Variants in SPTAN1 observed in about 807,000 individuals in gnomAD.
SPTAN1 encodes spectrin alpha chain, non-erythrocytic 1.
A neutral mutation model predicts 331.3 loss-of-function variants in SPTAN1; 61 were observed. That is an observed-to-expected ratio of 0.18 (90% CI 0.15 to 0.23). The LOEUF (loss-of-function observed/expected upper bound fraction) is 0.23. SPTAN1 is among the 10% of genes least tolerant of loss of function. The pLI is 1.00. For synonymous variants in SPTAN1, 1,153 were observed against 1,173.9 expected, an observed-to-expected ratio of 0.98 and a Z score of 0.36; for missense variants, 2,043 against 3,147.9, an observed-to-expected ratio of 0.65 and a Z score of 8.40.
intron 39 of SPTAN1, among the ~76,000 whole-genome samples, chr9:128,612,761 A>G (rs1252661837): frequency 1.3e-5 from 2 of 152,096 alleles, no homozygotes; most frequent in African/African-American, 4.8e-5. Context: ...TCCTGTCTCT[A>G]CTAAAAATAC....
At chr9:128,626,738 T>G (rs1254057269) in intron 49 of SPTAN1, 51 bp downstream of exon 49, 2 of 1,549,446 alleles carry the variant, frequency 1.3e-6, no homozygotes, top group Non-Finnish European at 8.7e-7. Context: ...GAGCCCTCTC[T>G]GGGCCCTGCT....
rs532628384 is a variant in SPTAN1 at position 128,617,834 on chromosome 9, G to A, written c.5478+74G>A. On this transcript the variant is annotated intron_variant, in intron 42 of 56. Transcript: ENST00000372739. The stretch of plus-strand genomic sequence containing the variant: ...CCCAGGGGACAGACAAACCCCTTGC[G>A]CTTATTTCACTGAGGTCCCTAAAGT... 44 of 1,611,668 alleles carry A rather than the reference G, an allele frequency of 2.7e-5. No individual in the cohort carries two copies. The South Asian group carries it at 2.8e-4, about 10-fold the overall frequency.
intron 21 of SPTAN1, among the ~76,000 whole-genome samples, chr9:128,590,507 C>G (rs1450680530): frequency 1.4e-5 from 2 of 139,346 alleles, no homozygotes; most frequent in Non-Finnish European, 3.0e-5. Flanking sequence ...AGTTCGAGAC[C>G]AACCTGGGGC....
chr9:128,608,826 G>A lies in SPTAN1; in HGVS notation c.4492-48G>A, dbSNP rs374391741. The A allele has an allele frequency of 3.2e-6, 5 of 1,585,562 alleles. No homozygotes were observed. The African/African-American group carries it at 6.7e-5, about 21-fold the overall frequency. ...TTCTCAAGACTGGCAGTCCAGGCAG[G>A]GCCCAGCCACAGGCCCACCTTGATC... is the stretch of plus-strand genomic sequence containing the variant. On this transcript the variant is annotated intron_variant, in intron 34 of 56. Coordinates refer to ENST00000372739, the MANE Select transcript of SPTAN1 (RefSeq NM_001130438.3).
rs796262635 is a variant in SPTAN1, at chr9:128,590,977, T to G, written c.3007-500T>G. On this transcript the variant is annotated intron_variant, in intron 21 of 56. Coordinates refer to ENST00000372739, the MANE Select transcript of SPTAN1 (RefSeq NM_001130438.3). Reference sequence around the variant, plus strand: ...GCCTTGGTGGCAGGCGGCATTGCTCTTCTGCCTGTGACCCTCTGCAGGTAT... The same window carrying G: ...GCCTTGGTGGCAGGCGGCATTGCTCGTCTGCCTGTGACCCTCTGCAGGTAT... 4.0e-5 allele frequency among the ~76,000 whole-genome samples: 6 copies of G among 150,540 alleles called. No individual in the cohort carries two copies. In the South Asian group the frequency reaches 1.0e-3, roughly 26 times the overall value.
At chr9:128,555,493 A>G (rs1257950690) in intron 1 of SPTAN1, 5 of 1,031,384 alleles carry the variant, frequency 4.8e-6, no homozygotes, top group African/African-American at 3.3e-5. Flanking sequence ...GAATGATCCA[A>G]AGAAAGGGGG....
Position 128,627,832 on chromosome 9 carries a change from C to T in SPTAN1, c.6690-93C>T. On this transcript the variant is annotated intron_variant, in intron 50 of 56. Transcript: ENST00000372739. The surrounding 1 kb of genome is among the most constrained non-coding windows in gnomAD (Gnocchi z 4.9). Reference sequence around the variant, plus strand: ...TACTGATGTTCTTGCTTTTGTTTTCCTTTCTTTCTTGTGTCTTCTCTCTGT... The same window carrying T: ...TACTGATGTTCTTGCTTTTGTTTTCTTTTCTTTCTTGTGTCTTCTCTCTGT... 1 of 1,497,986 alleles carries T rather than the reference C, an allele frequency of 6.7e-7. No homozygotes were observed. Among genetic ancestry groups the T allele is most frequent in the East Asian group, 2.3e-5 (1 of 44,328 alleles). 92.8% of individuals were successfully genotyped at this position (1,497,986 alleles called of 1,614,324 possible).
chr9:128,627,785 G>C lies in SPTAN1; in HGVS notation c.6690-140G>C. 1 of 1,106,226 alleles carries C rather than the reference G, an allele frequency of 9.0e-7. No homozygotes were observed. The highest frequency in any genetic ancestry group is 1.4e-6 in the Non-Finnish European group (1 of 720,128). 68.5% of individuals were successfully genotyped at this position (1,106,226 alleles called of 1,614,324 possible). ...CCCCAGCCATGACTTGGTGACAGAC[G>C]ATGCAGGGTCTGTGCGTTGGGTACT... On this transcript the variant is annotated intron_variant, in intron 50 of 56. Coordinates refer to ENST00000372739, the MANE Select transcript of SPTAN1 (RefSeq NM_001130438.3). The surrounding 1 kb of genome is among the most constrained non-coding windows in gnomAD (Gnocchi z 4.9).
chr9:128,568,958 G>A, intron 3 of SPTAN1, 61 bp downstream of exon 3: 1 of 1,608,834 alleles, frequency 6.2e-7, no homozygotes, highest in Non-Finnish European at 8.5e-7. Context: ...GTAGATTCAT[G>A]CATACATGTC....
intron 40 of SPTAN1, among the ~76,000 whole-genome samples, chr9:128,614,666 G>C (rs1470321798): frequency 6.6e-6 from 1 of 152,108 alleles, no homozygotes; most frequent in Non-Finnish European, 1.5e-5. Context: ...CAGTTACTTG[G>C]AGGCCGAGGC....
chr9:128,613,367 G>A lies in SPTAN1; in HGVS notation c.5044-14G>A. ...CCACACAGTAGCCTTTGCTTTTTGT[G>A]TTTTCATTGCCAGGTGGAGGCCCTG... On this transcript the variant is annotated splice_polypyrimidine_tract_variant and intron_variant, in intron 39 of 56. Coordinates refer to ENST00000372739, the MANE Select transcript of SPTAN1 (RefSeq NM_001130438.3). 6.2e-7 allele frequency: 1 copy of A among 1,612,218 alleles called. No homozygotes were observed.
rs747171460 is a variant in SPTAN1 at position 128,609,643 on chromosome 9, T to G, written c.4759-8T>G. On this transcript the variant is annotated splice_region_variant and splice_polypyrimidine_tract_variant and intron_variant, in intron 36 of 56. Coordinates refer to ENST00000372739, the MANE Select transcript of SPTAN1 (RefSeq NM_001130438.3). ...CTGAACTCTTGTTCTTTTAATCTGT[T>G]TTTGTAGCTTTCCAAGCTGCTGGTA... The G allele has an allele frequency of 2.0e-5, 31 of 1,525,034 alleles. No homozygotes were observed. The highest frequency in any genetic ancestry group is 1.6e-5 in the Non-Finnish European group (18 of 1,138,712). The allele number at this position is 1,525,034 out of a possible 1,614,324, so 94.5% of individuals were successfully genotyped here. A position where few individuals can be genotyped will look rare whatever the true frequency, so the allele number is the denominator to read the frequency against.
At position 128,627,241 on chromosome 9, in the gene SPTAN1, C is replaced by T. The variant is rs148933269; in HGVS notation, c.6577-145C>T. ...GAAAGAACTACCAAGTGCTCTGAGC[C>T]GGCCTCATGTCTCCCAGCCTCCTCC... is the stretch of plus-strand genomic sequence containing the variant. On this transcript the variant is annotated intron_variant, in intron 49 of 56. Transcript: ENST00000372739. This position sits in a 1 kb window ranked among gnomAD's most constrained non-coding sequence, Gnocchi z 4.9. 2,164 of 721,042 alleles carry T rather than the reference C, an allele frequency of 3.0e-3. 30 individuals are homozygous for T. In the African/African-American group the frequency reaches 0.032, roughly 11 times the overall value. 44.7% of individuals were successfully genotyped at this position (721,042 alleles called of 1,614,324 possible).
At chr9:128,555,301 G>T in intron 1 of SPTAN1, 1 of 1,206,214 alleles carries the variant, frequency 8.3e-7, no homozygotes. Context: ...ATTTTGTTCC[G>T]TTTGCCCTTA....
intron 12 of SPTAN1, 49 bp from the exon 13 acceptor site, chr9:128,582,430 C>T (rs745538318): frequency 6.5e-7 from 1 of 1,550,122 alleles, no homozygotes; most frequent in African/African-American, 1.4e-5. Context: ...AGAGGCCAAG[C>T]TTGGGACTAG....
At chr9:128,609,728 G>A (rs572667316) in intron 37 of SPTAN1, 63 bp downstream of exon 37, 17 of 1,094,988 alleles carry the variant, frequency 1.6e-5, no homozygotes, top group South Asian at 8.6e-5. Flanking sequence ...GTTACTCTGC[G>A]TAGATTATTG....
chr9:128,598,429 G>T lies in SPTAN1; in HGVS notation c.3444G>T (p.Lys1148Asn), dbSNP rs1854607385. The change falls in exon 25 of 57, where the codon AAG becomes AAT. Residue 1148 changes from lysine (K) to asparagine (N), a missense_variant. Around this residue, in one of 12 missense-constraint regions of SPTAN1, gnomAD observed 1,038 missense variants for 1,531.5 expected, o/e 0.68. Transcript: ENST00000372739. ...TGAAGGCCAATGAGTCACGGTTGAA[G>T]GACATTAACAAGGTAGCTGAAGACC... Reference protein sequence around the residue: ...KDLKANESRLKDINKVAEDLE... With the variant: ...KDLKANESRLNDINKVAEDLE... The T allele has an allele frequency of 1.9e-6, 3 of 1,613,378 alleles. No homozygotes were observed. Among genetic ancestry groups the T allele is most frequent in the Non-Finnish European group, 2.5e-6 (3 of 1,179,908 alleles).
rs1851989537 is a variant in SPTAN1 at position 128,581,897 on chromosome 9, G to C, written c.1572+5G>C. The C allele has an allele frequency of 6.3e-7, 1 of 1,597,292 alleles. No individual in the cohort carries two copies. ...GCCCAGGAGGAAAAGATTACAGTAAGACCCCTTCTTGTCAGTGCTTTCAAA... is the reference window on the plus strand; with the variant it reads ...GCCCAGGAGGAAAAGATTACAGTAACACCCCTTCTTGTCAGTGCTTTCAAA... On this transcript the variant is annotated splice_donor_5th_base_variant and intron_variant, in intron 12 of 56. Coordinates refer to ENST00000372739, the MANE Select transcript of SPTAN1 (RefSeq NM_001130438.3).
intron 51 of SPTAN1, chr9:128,628,312 C>G (rs1253513973): frequency 2.5e-5 from 10 of 402,284 alleles, no homozygotes; most frequent in African/African-American, 1.2e-4. Context: ...GCTTCCCCAG[C>G]GAGTCCAACA....
Sources: allele counts gnomAD v4.1 joint callset (sites outside exome capture counted in the v4.1 genomes callset), GRCh38; gene constraint gnomAD v4.1.1; regional missense constraint gnomAD v4.1.1; non-coding constraint Gnocchi (gnomAD v3.1); transcripts MANE v1.5; gene names NCBI Gene and HGNC (gene_info 2026-07-23, HGNC 2026-07-21).